The following HIGD1C variants were observed in gnomAD, a reference collection of about 807,000 sequenced individuals.
HIGD1C encodes the protein HIG1 domain family member 1C.
In HIGD1C, 11 loss-of-function variants were observed where a neutral mutation model predicts 13.1. That is an observed-to-expected ratio of 0.84 (90% confidence interval 0.53 to 1.39). HIGD1C has a LOEUF of 1.39. HIGD1C is among the 40% of genes most tolerant of loss of function. HIGD1C has a pLI of 0.00. For synonymous variants in HIGD1C, 36 were observed against 37.7 expected (o/e 0.95, Z 0.17); for missense variants, 110 against 112.0 (o/e 0.98, Z 0.08).
At chr12:50,951,917 C>A (rs1592245437), upstream of HIGD1C, among the ~76,000 whole-genome samples, 1 of 117,810 alleles carries the variant, frequency 8.5e-6, no homozygotes, top group Non-Finnish European at 1.7e-5. Flanking sequence ...AGCGAAACTC[C>A]ATCTCAAAAA....
the HIGD1C span, among the ~76,000 whole-genome samples, chr12:50,936,155 G>A: frequency 0.21 from 28,708 of 133,688 alleles, 3,171 homozygotes; most frequent in East Asian, 0.52. Context: ...GCAAAACACC[G>A]TCTCAAAAAA....
intron 2 of HIGD1C, among the ~76,000 whole-genome samples, chr12:50,965,588 G>A (rs1258119041): frequency 6.6e-6 from 1 of 152,108 alleles, no homozygotes; most frequent in Non-Finnish European, 1.5e-5. Flanking sequence ...TGACCCACCA[G>A]GCTTGACTAT....
the HIGD1C span, among the ~76,000 whole-genome samples, chr12:50,943,808 T>C: frequency 6.6e-6 from 1 of 152,198 alleles, no homozygotes; most frequent in Non-Finnish European, 1.5e-5. Flanking sequence ...TAATGTTGGT[T>C]TACTCATTTG....
At chr12:50,943,695 G>A in the HIGD1C span, among the ~76,000 whole-genome samples, 26 of 150,808 alleles carry the variant, frequency 1.7e-4, no homozygotes, top group South Asian at 3.6e-3. Context: ...GGGTGACAGC[G>A]AGACTCTGTC....
intron 2 of HIGD1C, among the ~76,000 whole-genome samples, chr12:50,963,369 C>CAAAAAAAAA (rs35764288): frequency 5.4e-4 from 39 of 72,398 alleles, no homozygotes; most frequent in African/African-American, 8.1e-4. Context: ...GACTCCATCT[C>CAAAAAAAAA]AAAAAAAAAA....
chr12:50,951,001 G>A (rs1408952243), upstream of HIGD1C, among the ~76,000 whole-genome samples: 1 of 151,674 alleles, frequency 6.6e-6, no homozygotes, highest in Non-Finnish European at 1.5e-5. Context: ...TTTTTTTAAG[G>A]TGATATATTT....
chr12:50,962,668 G>C (rs1359474020), intron 2 of HIGD1C, among the ~76,000 whole-genome samples: 1 of 152,152 alleles, frequency 6.6e-6, no homozygotes, highest in Non-Finnish European at 1.5e-5. Flanking sequence ...CTGCACTTTA[G>C]CCTGGGCATC....
At chr12:50,942,109 T>C in the HIGD1C span, among the ~76,000 whole-genome samples, 4 of 152,104 alleles carry the variant, frequency 2.6e-5, no homozygotes, top group Non-Finnish European at 5.9e-5. Flanking sequence ...CTCAAACTCC[T>C]GAGCTCAAGC....
At chr12:50,939,401 G>A in the HIGD1C span, among the ~76,000 whole-genome samples, 1 of 152,248 alleles carries the variant, frequency 6.6e-6, no homozygotes, top group South Asian at 2.1e-4. Context: ...GCCTACCTCG[G>A]CCTCCCTAAG....
At chr12:50,959,339 C>T (rs148043157) in intron 1 of HIGD1C, among the ~76,000 whole-genome samples, 14,983 of 151,974 alleles carry the variant, frequency 0.099, 1,152 homozygotes, top group African/African-American at 0.21. Context: ...AGGCTGGTCT[C>T]GAACTCCTGA....
chr12:50,966,806 G>GTTTAAC (rs10638359), intron 2 of HIGD1C, among the ~76,000 whole-genome samples: 38,704 of 151,760 alleles, frequency 0.26, 5,192 homozygotes, highest in South Asian at 0.36. Flanking sequence ...TAAAGCAATG[G>GTTTAAC]TTTAACATAA....
the HIGD1C span, among the ~76,000 whole-genome samples, chr12:50,939,148 T>C: frequency 2.6e-5 from 4 of 152,274 alleles, no homozygotes; most frequent in South Asian, 8.3e-4. Context: ...TAACAGTTTA[T>C]TTGTATTTAT....
chr12:50,952,225 G>T (rs767899740), upstream of HIGD1C, among the ~76,000 whole-genome samples: 5 of 151,936 alleles, frequency 3.3e-5, no homozygotes, highest in Admixed American at 6.6e-5. Context: ...GCATACAAAA[G>T]TATATGGAAG....
the HIGD1C span, among the ~76,000 whole-genome samples, chr12:50,942,216 C>T: frequency 6.6e-6 from 1 of 152,162 alleles, no homozygotes; most frequent in Non-Finnish European, 1.5e-5. Context: ...ACAAATCAGC[C>T]AATTTCTGAG....
At chr12:50,946,937 A>G in the HIGD1C span, among the ~76,000 whole-genome samples, 1 of 152,162 alleles carries the variant, frequency 6.6e-6, no homozygotes, top group Non-Finnish European at 1.5e-5. Flanking sequence ...AACAAAAAAT[A>G]AAGCCTTCAT....
chr12:50,961,171 A>G, intron 2 of HIGD1C, 69 bp downstream of exon 4: 2 of 1,459,806 alleles, frequency 1.4e-6, no homozygotes, highest in Admixed American at 1.8e-5. Context: ...TTATTCATTC[A>G]TAGTAGAAGA....
At chr12:50,965,785 G>A (rs2630369) in intron 2 of HIGD1C, among the ~76,000 whole-genome samples, 42 of 152,180 alleles carry the variant, frequency 2.8e-4, no homozygotes, top group African/African-American at 1.0e-3. Flanking sequence ...AATGAGCACA[G>A]GTCCCCTTTG....
chr12:50,946,835 C>A, the HIGD1C span, among the ~76,000 whole-genome samples: 63 of 152,244 alleles, frequency 4.1e-4, no homozygotes, highest in African/African-American at 1.5e-3. Flanking sequence ...GTGCAGCACA[C>A]CAGCATGGCA....
chr12:50,933,316 C>T, the HIGD1C span, among the ~76,000 whole-genome samples: 1 of 152,148 alleles, frequency 6.6e-6, no homozygotes, highest in Non-Finnish European at 1.5e-5. Context: ...GAAATGACTT[C>T]AGCCTGTGCA....
Sources: allele counts gnomAD v4.1 joint callset (sites outside exome capture counted in the v4.1 genomes callset), GRCh38; gene constraint gnomAD v4.1.1; transcripts MANE v1.5; gene names NCBI Gene and HGNC (gene_info 2026-07-23, HGNC 2026-07-21).